CDH12: variants seen among roughly 807,000 people sequenced by gnomAD.
CDH12 encodes cadherin-12.
Under a neutral mutation model 74.1 loss-of-function variants are expected in CDH12, and 41 were observed. That is an observed-to-expected ratio of 0.55 (90% CI 0.43 to 0.72). CDH12 has a LOEUF of 0.72. CDH12 is among the 30% of genes least tolerant of loss of function. The pLI is 0.00. For synonymous variants in CDH12, 399 were observed against 355.0 expected (o/e 1.12, Z -1.39); for missense variants, 945 against 977.2 (o/e 0.97, Z 0.44).
At chr5:22,348,923 G>A (rs1315979471) in intron 3 of CDH12, among the ~76,000 whole-genome samples, 5 of 152,186 alleles carry the variant, frequency 3.3e-5, no homozygotes, top group Non-Finnish European at 5.9e-5. Flanking sequence ...CCAGTGCTGT[G>A]ATCTGAATGT....
At chr5:22,628,283 C>T (rs1240394121) in intron 1 of CDH12, among the ~76,000 whole-genome samples, 1 of 152,116 alleles carries the variant, frequency 6.6e-6, no homozygotes, top group Non-Finnish European at 1.5e-5. Context: ...CCATCCAAAA[C>T]AACAGAATAT....
chr5:22,485,926 G>A (rs887991403), intron 2 of CDH12, among the ~76,000 whole-genome samples: 1 of 152,128 alleles, frequency 6.6e-6, no homozygotes, highest in Non-Finnish European at 1.5e-5. Flanking sequence ...AGCCCAAGAG[G>A]GGCAATAGGG....
intron 1 of CDH12, among the ~76,000 whole-genome samples, chr5:22,812,010 A>C (rs774266073): frequency 6.6e-6 from 1 of 152,192 alleles, no homozygotes; most frequent in Non-Finnish European, 1.5e-5. Context: ...AAATAAAAAA[A>C]CATCTATGCC....
At chr5:22,659,749 C>T (rs1740249006) in intron 1 of CDH12, among the ~76,000 whole-genome samples, 1 of 152,028 alleles carries the variant, frequency 6.6e-6, no homozygotes, top group East Asian at 1.9e-4. Context: ...TATATATACA[C>T]ACATACATAT....
chr5:22,090,204 C>T (rs760453516), intron 4 of CDH12, among the ~76,000 whole-genome samples: 5 of 151,700 alleles, frequency 3.3e-5, no homozygotes, highest in Non-Finnish European at 7.4e-5. Context: ...AGAAACATCA[C>T]TATCAACCTT....
chr5:22,325,975 G>A (rs555193341), intron 3 of CDH12, among the ~76,000 whole-genome samples: 31 of 152,118 alleles, frequency 2.0e-4, no homozygotes, highest in East Asian at 7.8e-4. Flanking sequence ...TAAATTCATT[G>A]GATTAATGAG....
intron 14 of CDH12, among the ~76,000 whole-genome samples, chr5:21,752,617 C>T (rs1307295199): frequency 3.3e-5 from 5 of 152,174 alleles, no homozygotes; most frequent in Admixed American, 6.5e-5. Flanking sequence ...TCATTGCTAA[C>T]TTCCCAATTG....
intron 1 of CDH12, among the ~76,000 whole-genome samples, chr5:22,676,616 G>A (rs956491667): frequency 1.3e-5 from 2 of 152,142 alleles, no homozygotes; most frequent in African/African-American, 4.8e-5. Flanking sequence ...GTATTGTCAA[G>A]TATTCTTGTA....
At chr5:22,699,013 C>T (rs1742573254) in intron 1 of CDH12, among the ~76,000 whole-genome samples, 1 of 151,614 alleles carries the variant, frequency 6.6e-6, no homozygotes, top group African/African-American at 2.4e-5. Context: ...ATTTACTGAT[C>T]TGAAAAGTAA....
At chr5:22,187,661 A>G (rs139715270) in intron 4 of CDH12, among the ~76,000 whole-genome samples, 1,955 of 143,486 alleles carry the variant, frequency 0.014, 87 homozygotes, top group African/African-American at 0.05. Context: ...GAGGAAAAAA[A>G]AAAGAAAGAA....
chr5:22,581,803 C>T (rs992249428), intron 1 of CDH12, among the ~76,000 whole-genome samples: 16 of 152,226 alleles, frequency 1.1e-4, no homozygotes, highest in African/African-American at 3.9e-4. Context: ...TGCCTCATAG[C>T]TCTTAAGTTT....
At chr5:22,218,366 T>C (rs191035999) in intron 3 of CDH12, among the ~76,000 whole-genome samples, 164 of 151,880 alleles carry the variant, frequency 1.1e-3, no homozygotes, top group Middle Eastern at 6.8e-3. Context: ...GAATAAACTG[T>C]GGTACACTCA....
intron 9 of CDH12, among the ~76,000 whole-genome samples, chr5:21,806,424 A>G (rs1033095336): frequency 3.3e-5 from 5 of 152,264 alleles, no homozygotes; most frequent in African/African-American, 1.2e-4. Context: ...TCATTTACAT[A>G]ACAAGTGGCT....
At chr5:22,596,454 T>C (rs780646224) in intron 1 of CDH12, among the ~76,000 whole-genome samples, 1 of 151,924 alleles carries the variant, frequency 6.6e-6, no homozygotes. Context: ...AGAAAAAAAA[T>C]ATATACACAA....
At chr5:22,376,747 T>A (rs1222585068) in intron 3 of CDH12, among the ~76,000 whole-genome samples, 1 of 144,402 alleles carries the variant, frequency 6.9e-6, no homozygotes, top group African/African-American at 2.5e-5. Flanking sequence ...AGTCTCAAAA[T>A]CCTGGGCTCA....
At chr5:22,489,261 G>T in intron 2 of CDH12, among the ~76,000 whole-genome samples, 1 of 151,276 alleles carries the variant, frequency 6.6e-6, no homozygotes, top group African/African-American at 2.4e-5. Flanking sequence ...GTTTCACCGT[G>T]TTAGCCAGGA....
intron 2 of CDH12, among the ~76,000 whole-genome samples, chr5:22,476,401 A>G (rs1006537939): frequency 2.0e-5 from 3 of 152,098 alleles, no homozygotes; most frequent in Admixed American, 6.5e-5. Flanking sequence ...GATGTTAAGA[A>G]ATGATTAATC....
At chr5:21,843,051 C>T (rs377076759) in intron 7 of CDH12, among the ~76,000 whole-genome samples, 17 of 152,160 alleles carry the variant, frequency 1.1e-4, no homozygotes, top group Non-Finnish European at 1.8e-4. Context: ...CATTTCCTGC[C>T]CTGGTGTCCA....
intron 3 of CDH12, among the ~76,000 whole-genome samples, chr5:22,323,636 A>G (rs2968391): frequency 0.6 from 91,597 of 152,104 alleles, 28,469 homozygotes; most frequent in South Asian, 0.76. Flanking sequence ...TCGCCACATG[A>G]CTAGTGCTCT....
Sources: allele counts gnomAD v4.1 joint callset (sites outside exome capture counted in the v4.1 genomes callset), GRCh38; gene constraint gnomAD v4.1.1; transcripts MANE v1.5; gene names NCBI Gene and HGNC (gene_info 2026-07-23, HGNC 2026-07-21).